Variants in GLG1 observed in about 807,000 individuals in gnomAD.
GLG1 encodes golgi glycoprotein 1.
GLG1 carries 38 observed loss-of-function variants against 160.5 expected under a neutral mutation model. That is an observed-to-expected ratio of 0.24 (90% CI 0.18 to 0.31). The LOEUF (loss-of-function observed/expected upper bound fraction) is 0.31, where lower values mean the gene tolerates loss of function less well. GLG1 is among the 10% of genes least tolerant of loss of function. The probability of loss-of-function intolerance (pLI) is 1.00; values close to 1 mark genes in which losing one functional copy is unlikely to be tolerated. For synonymous variants in GLG1, 644 were observed against 543.4 expected, an observed-to-expected ratio of 1.19 and a Z score of -2.57; for missense variants, 1,373 against 1,505.2, an observed-to-expected ratio of 0.91 and a Z score of 1.45.
chr16:74,451,366 C>G lies in GLG1; in HGVS notation c.*1801G>C, dbSNP rs2014294251. On this transcript the variant is annotated 3_prime_UTR_variant, in exon 26 of 26. Transcript: ENST00000422840. ...GGACAATCAGTTGGCTTCTGGAACC[C>G]ACTGCCTCCAGGAAGGGCAGCAAAT... The G allele has an allele frequency of 6.6e-6, 1 of 152,166 alleles. No homozygotes were observed. The allele number at this position is 152,166 out of a possible 1,614,324, so 9.4% of individuals were successfully genotyped here. A position where few individuals can be genotyped will look rare whatever the true frequency, so the allele number is the denominator to read the frequency against.
intron 11 of GLG1, among the ~76,000 whole-genome samples, chr16:74,477,981 T>A (rs4462621): frequency 2.0e-3 from 90 of 45,708 alleles, no homozygotes; most frequent in Admixed American, 8.4e-3. Context: ...CTCAAAAAAA[T>A]AAATAAATAA....
chr16:74,507,186 G>A (rs1461281748), intron 3 of GLG1, among the ~76,000 whole-genome samples: 2 of 152,098 alleles, frequency 1.3e-5, no homozygotes, highest in East Asian at 3.9e-4. Flanking sequence ...CCTGTGGGAG[G>A]GAGAAGTGTC....
chr16:74,540,209 G>C (rs1597326089), intron 1 of GLG1, among the ~76,000 whole-genome samples: 1 of 126,738 alleles, frequency 7.9e-6, no homozygotes, highest in Middle Eastern at 4.3e-3. Flanking sequence ...CAAATGTAAT[G>C]ACTTTTACAT....
rs558324726 is a variant in GLG1 at position 74,597,805 on chromosome 16, G to C, written c.438+8852C>G. ...GGAGGTGGAGCTTGCAGTGAGCTGA[G>C]ATCGCACCACTGCACTCCAGCCTGG... On this transcript the variant is annotated intron_variant, in intron 1 of 25. Coordinates refer to ENST00000422840, the MANE Select transcript of GLG1 (RefSeq NM_001145667.2). Among the ~76,000 whole-genome samples, 7 of 148,644 alleles carry C rather than the reference G, an allele frequency of 4.7e-5. No homozygotes were observed. In the East Asian group the frequency reaches 1.4e-3, roughly 30 times the overall value.
intron 1 of GLG1, among the ~76,000 whole-genome samples, chr16:74,589,658 G>GTT (rs1477060432): frequency 2.4e-4 from 37 of 152,324 alleles, no homozygotes; most frequent in Non-Finnish European, 4.4e-4. Flanking sequence ...CTGGGCTAAA[G>GTT]AATGGGAATT....
At chr16:74,564,166 G>A (rs554583971) in intron 1 of GLG1, among the ~76,000 whole-genome samples, 3 of 152,246 alleles carry the variant, frequency 2.0e-5, no homozygotes, top group East Asian at 1.9e-4. Flanking sequence ...GGATCCTCCC[G>A]CTTCGGCCTT....
chr16:74,491,784 G>A (rs1011097206), intron 7 of GLG1, among the ~76,000 whole-genome samples: 8 of 151,618 alleles, frequency 5.3e-5, no homozygotes, highest in African/African-American at 9.7e-5. Flanking sequence ...GACTACAGGC[G>A]CCTGCCACCA....
chr16:74,506,081 ATTTTTTT>A (rs71376213), intron 3 of GLG1, among the ~76,000 whole-genome samples: 2 of 101,924 alleles, frequency 2.0e-5, no homozygotes, highest in Non-Finnish European at 3.6e-5. Flanking sequence ...CCTGGAAAAG[ATTTTTTT>A]TTTTTTTTTT....
intron 1 of GLG1, among the ~76,000 whole-genome samples, chr16:74,603,796 GAATATT>G (rs1272704979): frequency 2.6e-5 from 4 of 151,976 alleles, no homozygotes; most frequent in Admixed American, 2.0e-4. Context: ...ACAGCCCAGG[GAATATT>G]TTTTCTTTTC....
chr16:74,522,650 T>A (rs1383338327), intron 2 of GLG1, among the ~76,000 whole-genome samples: 1 of 152,206 alleles, frequency 6.6e-6, no homozygotes, highest in East Asian at 1.9e-4. Context: ...TACTTTTCCA[T>A]GGTTTGCCAG....
chr16:74,480,582 T>C (rs1263772471), intron 10 of GLG1, among the ~76,000 whole-genome samples, 188 bp from the exon 11 acceptor site: 1 of 151,356 alleles, frequency 6.6e-6, no homozygotes, highest in Admixed American at 6.6e-5. Flanking sequence ...TGACACAGGA[T>C]CTCTCAATCT....
intron 22 of GLG1, chr16:74,461,662 G>C (rs2014802900): frequency 6.5e-6 from 1 of 153,492 alleles, no homozygotes; most frequent in African/African-American, 2.4e-5. Context: ...AGTAGAGACA[G>C]ATTTCTCCAT....
Position 74,606,929 on chromosome 16 carries a change from C to G in GLG1, c.166G>C (p.Gly56Arg), listed in dbSNP as rs867111673. 4 of 1,607,922 alleles carry G rather than the reference C, an allele frequency of 2.5e-6. No homozygotes were observed. The Admixed American group carries it at 5.1e-5, about 20-fold the overall frequency. Residue 56 changes from glycine to arginine, a missense_variant, in exon 1 of 26, where the codon GGC (glycine) becomes CGC (arginine). This residue lies in a region of GLG1 where 322 missense variants were observed against 254.6 expected (regional missense o/e 1.26). Coordinates refer to ENST00000422840, the MANE Select transcript of GLG1 (RefSeq NM_001145667.2). The stretch of plus-strand genomic sequence containing the variant: ...GGCAGCTGCTGACCCGCCGGGCCGC[C>G]GCCTCCGGCCTGCCCTACGAAGGAC... ...FVSFVGQAGG[G>R]GPAGQQLPQL...
intron 1 of GLG1, among the ~76,000 whole-genome samples, chr16:74,598,465 G>A (rs1352901231): frequency 2.0e-5 from 3 of 150,916 alleles, no homozygotes; most frequent in Admixed American, 6.6e-5. Flanking sequence ...AGGTTGCAGT[G>A]AGCCGAGATC....
intron 1 of GLG1, among the ~76,000 whole-genome samples, chr16:74,593,931 CAG>C (rs905405207): frequency 4.6e-5 from 7 of 151,662 alleles, no homozygotes; most frequent in Middle Eastern, 3.2e-3. Flanking sequence ...TTTTTTGAGA[CAG>C]AGTCTCACTG....
chr16:74,494,880 G>T, intron 5 of GLG1, 49 bp from the exon 6 acceptor site: 1 of 897,374 alleles, frequency 1.1e-6, no homozygotes, highest in Non-Finnish European at 1.9e-6. Context: ...AAATAGTTAT[G>T]CTGAACATTA....
At chr16:74,550,250 A>G (rs1017712721) in intron 1 of GLG1, among the ~76,000 whole-genome samples, 14 of 152,206 alleles carry the variant, frequency 9.2e-5, no homozygotes, top group Non-Finnish European at 1.6e-4. Flanking sequence ...GTTGAGTAAG[A>G]GAGTCCATGA....
rs1326350573 is a variant in GLG1, at chr16:74,498,496, G to C, written c.775-1852C>G. ...ATTTTATATATATATTTTATATATA[G>C]TGCTATCATTTATACACACGCAATT... On this transcript the variant is annotated intron_variant, in intron 4 of 25. Coordinates refer to ENST00000422840, the MANE Select transcript of GLG1 (RefSeq NM_001145667.2). Among the ~76,000 whole-genome samples the C allele has an allele frequency of 1.2e-4, 11 of 91,658 alleles. No individual in the cohort carries two copies. The Admixed American group carries it at 1.5e-3, about 13-fold the overall frequency. The allele number at this position is 91,658 out of a possible 152,430, so 60.1% of individuals were successfully genotyped here.
intron 19 of GLG1, 48 bp downstream of exon 19, chr16:74,465,628 G>C (rs2014972103): frequency 1.3e-6 from 2 of 1,592,354 alleles, no homozygotes; most frequent in Non-Finnish European, 8.6e-7. Flanking sequence ...TTTGTGCTTT[G>C]TTGTTTTGTT....
Sources: gnomAD v4.1 joint callset for allele counts (sites outside exome capture counted in the v4.1 genomes callset) on GRCh38, gnomAD v4.1.1 for gene constraint, gnomAD v4.1.1 regional missense constraint, MANE v1.5 for transcripts, NCBI Gene and HGNC (gene_info 2026-07-23, HGNC 2026-07-21) for gene names.